Variants in SH3RF2 observed in about 807,000 individuals in gnomAD.
The protein encoded by SH3RF2 is E3 ubiquitin-protein ligase SH3RF2.
SH3RF2 carries 43 observed loss-of-function variants against 59.0 expected under a neutral mutation model. The ratio of observed to expected loss-of-function variants is 0.73; its 90% CI spans 0.57 to 0.94. The LOEUF is 0.94. Among genes scored for constraint, SH3RF2 ranks in the 40% least tolerant of loss-of-function variants. The probability of loss-of-function intolerance (pLI) is 0.00; values close to 1 mark genes in which losing one functional copy is unlikely to be tolerated. For synonymous variants in SH3RF2, 391 were observed against 391.5 expected (o/e 1.00, Z 0.01); for missense variants, 930 against 940.1 (o/e 0.99, Z 0.14).
chr5:146,019,849 T>C (rs1432677707), intron 5 of SH3RF2, among the ~76,000 whole-genome samples: 1 of 152,140 alleles, frequency 6.6e-6, no homozygotes, highest in Non-Finnish European at 1.5e-5. Context: ...TAAATATTTT[T>C]AAATTATTTT....
At chr5:145,968,734 G>GTC (rs1758957020) in intron 2 of SH3RF2, among the ~76,000 whole-genome samples, 1 of 152,188 alleles carries the variant, frequency 6.6e-6, no homozygotes, top group Admixed American at 6.5e-5. Flanking sequence ...ACTCCAGTGT[G>GTC]TATTTTTCAG....
intron 2 of SH3RF2, among the ~76,000 whole-genome samples, chr5:145,970,060 C>A (rs1308282801): frequency 6.6e-6 from 1 of 152,124 alleles, no homozygotes; most frequent in East Asian, 1.9e-4. Context: ...CTGTGACAAG[C>A]CCTTTACTCA....
At chr5:145,990,671 C>T (rs1015064721) in intron 2 of SH3RF2, among the ~76,000 whole-genome samples, 2 of 152,176 alleles carry the variant, frequency 1.3e-5, no homozygotes, top group Admixed American at 6.5e-5. Flanking sequence ...GGCTTCCAGA[C>T]CCTACTGAGG....
At chr5:145,978,026 A>G (rs536286848) in intron 2 of SH3RF2, among the ~76,000 whole-genome samples, 4 of 152,308 alleles carry the variant, frequency 2.6e-5, no homozygotes, top group African/African-American at 9.6e-5. Context: ...TTTCCAAATT[A>G]ACATCCTGTC....
intron 2 of SH3RF2, among the ~76,000 whole-genome samples, chr5:145,947,270 G>A (rs1341694256): frequency 6.6e-6 from 1 of 151,888 alleles, no homozygotes; most frequent in Non-Finnish European, 1.5e-5. Context: ...TGCTGCTTCT[G>A]ACCTTAGACA....
chr5:145,985,108 G>A (rs1163948892), intron 2 of SH3RF2, among the ~76,000 whole-genome samples: 2 of 152,030 alleles, frequency 1.3e-5, no homozygotes, highest in East Asian at 3.9e-4. Flanking sequence ...GTGAGCCATG[G>A]TCACACCACT....
At chr5:146,075,778 T>TAAAAAAA (rs56300547) in intron 9 of SH3RF2, among the ~76,000 whole-genome samples, 18 of 76,970 alleles carry the variant, frequency 2.3e-4, no homozygotes, top group African/African-American at 7.8e-4. Flanking sequence ...AAATTCCATG[T>TAAAAAAA]AAAAAAAAAA....
At chr5:145,949,816 G>A (rs1758127029) in intron 2 of SH3RF2, among the ~76,000 whole-genome samples, 1 of 148,968 alleles carries the variant, frequency 6.7e-6, no homozygotes, top group African/African-American at 2.4e-5. Context: ...CTTTGTATTC[G>A]AAAGAAAAAT....
chr5:145,945,900 A>G (rs1194277008), intron 2 of SH3RF2, among the ~76,000 whole-genome samples: 2 of 152,216 alleles, frequency 1.3e-5, no homozygotes, highest in Non-Finnish European at 2.9e-5. Context: ...TACTCCAAGC[A>G]GGTGACCGAG....
chr5:146,064,337 C>G (rs191486985), downstream of SH3RF2, among the ~76,000 whole-genome samples: 31 of 151,964 alleles, frequency 2.0e-4, no homozygotes, highest in East Asian at 5.8e-3. Flanking sequence ...GATGACCCCA[C>G]TAAGATGGAA....
chr5:146,003,431 A>T (rs1033199435), intron 3 of SH3RF2, among the ~76,000 whole-genome samples: 1 of 152,202 alleles, frequency 6.6e-6, no homozygotes, highest in Non-Finnish European at 1.5e-5. Context: ...AAAGTTTTTT[A>T]AAAATATGTA....
At chr5:145,963,824 TTTTTG>T (rs1758734672) in intron 2 of SH3RF2, among the ~76,000 whole-genome samples, 1 of 149,340 alleles carries the variant, frequency 6.7e-6, no homozygotes, top group Admixed American at 6.6e-5. Context: ...CTTTCTTTCT[TTTTTG>T]TTTTTTTTTT....
chr5:146,035,112 A>T (rs1038918211), intron 5 of SH3RF2, among the ~76,000 whole-genome samples: 1 of 152,132 alleles, frequency 6.6e-6, no homozygotes, highest in Non-Finnish European at 1.5e-5. Context: ...TTTCAAAAAA[A>T]AAAAAAGAAC....
At chr5:145,971,421 G>A (rs1439729030) in intron 2 of SH3RF2, among the ~76,000 whole-genome samples, 1 of 152,122 alleles carries the variant, frequency 6.6e-6, no homozygotes, top group Non-Finnish European at 1.5e-5. Flanking sequence ...CCCTACCTGT[G>A]GGCATTTCAC....
intron 2 of SH3RF2, among the ~76,000 whole-genome samples, chr5:145,993,494 G>A (rs1282078112): frequency 6.6e-6 from 1 of 152,210 alleles, no homozygotes; most frequent in African/African-American, 2.4e-5. Context: ...TGGACATCCA[G>A]GTGTTTCCAT....
downstream of SH3RF2, among the ~76,000 whole-genome samples, chr5:146,066,597 T>C (rs1200397612): frequency 6.6e-6 from 1 of 152,052 alleles, no homozygotes; most frequent in African/African-American, 2.4e-5. Flanking sequence ...AGACTAGTCT[T>C]GGAAGTAGAA....
chr5:146,050,390 G>T (rs1024548875), intron 7 of SH3RF2, among the ~76,000 whole-genome samples: 31 of 152,274 alleles, frequency 2.0e-4, no homozygotes, highest in African/African-American at 7.5e-4. Flanking sequence ...CTGGTGAGGT[G>T]GTGGACTCTC....
intron 2 of SH3RF2, among the ~76,000 whole-genome samples, chr5:145,992,128 T>C (rs1759958465): frequency 6.6e-6 from 1 of 152,086 alleles, no homozygotes; most frequent in Admixed American, 6.6e-5. Flanking sequence ...TCCTAGCACT[T>C]TGGGAGGCCG....
chr5:146,001,901 A>T (rs543109804), intron 3 of SH3RF2, among the ~76,000 whole-genome samples: 1 of 152,350 alleles, frequency 6.6e-6, no homozygotes, highest in African/African-American at 2.4e-5. Flanking sequence ...TCATGGTCTA[A>T]ACTCAGCATA....
Sources: allele counts gnomAD v4.1 joint callset (sites outside exome capture counted in the v4.1 genomes callset), GRCh38; gene constraint gnomAD v4.1.1; transcripts MANE v1.5; gene names NCBI Gene and HGNC (gene_info 2026-07-23, HGNC 2026-07-21).